The following CDK6 variants were observed in gnomAD, a reference collection of about 807,000 sequenced individuals.
CDK6 encodes cyclin dependent kinase 6.
CDK6 carries 6 observed loss-of-function variants against 37.1 expected under a neutral mutation model. The ratio of observed to expected loss-of-function variants is 0.16; its 90% confidence interval spans 0.09 to 0.32. The LOEUF (loss-of-function observed/expected upper bound fraction) is 0.32. CDK6 is among the 10% of genes least tolerant of loss of function. The pLI, the probability that CDK6 is intolerant of heterozygous loss-of-function variation, is 1.00. For missense variants in CDK6, 224 were observed against 418.9 expected, an observed-to-expected ratio of 0.53 and a Z score of 4.06; for synonymous variants, 160 against 161.3, an observed-to-expected ratio of 0.99 and a Z score of 0.06.
intron 2 of CDK6, among the ~76,000 whole-genome samples, chr7:92,819,907 T>A: frequency 6.6e-6 from 1 of 150,788 alleles, no homozygotes; most frequent in East Asian, 2.0e-4. Context: ...GACACAGAGA[T>A]CCCAACTGCA....
intron 5 of CDK6, among the ~76,000 whole-genome samples, chr7:92,635,301 G>A (rs1585354366): frequency 6.6e-6 from 1 of 152,276 alleles, no homozygotes; most frequent in African/African-American, 2.4e-5. Flanking sequence ...GATTTCTTCA[G>A]AACAAGGGAG....
chr7:92,823,103 A>T (rs1801213380), intron 2 of CDK6, among the ~76,000 whole-genome samples: 1 of 151,930 alleles, frequency 6.6e-6, no homozygotes, highest in Admixed American at 6.6e-5. Flanking sequence ...AGTGAAAAAA[A>T]AAAAAACCAA....
At chr7:92,774,982 G>A in intron 2 of CDK6, 151 bp from the exon 3 acceptor site, 2 of 670,270 alleles carry the variant, frequency 3.0e-6, no homozygotes, top group East Asian at 3.2e-5. Context: ...TATCAAATGA[G>A]ATCTGATACT....
intron 5 of CDK6, among the ~76,000 whole-genome samples, chr7:92,643,395 T>C (rs1796363239): frequency 1.3e-5 from 2 of 152,210 alleles, no homozygotes; most frequent in South Asian, 4.1e-4. Flanking sequence ...TTGGAGTCTG[T>C]GATGTGCTTA....
rs1175195840 is a variant in CDK6 at position 92,672,184 on chromosome 7, G to GACACACACACAC, written c.538-650_538-649insGTGTGTGTGTGT. Among the ~76,000 whole-genome samples, 397 of 44,100 alleles carry GACACACACACAC rather than the reference G, an allele frequency of 9.0e-3. 36 individuals carry two copies. The highest frequency in any genetic ancestry group is 0.01 in the Non-Finnish European group (282 of 27,244). 28.9% of individuals were successfully genotyped at this position (44,100 alleles called of 152,430 possible). A position where few individuals can be genotyped will look rare whatever the true frequency, so the allele number is the denominator to read the frequency against. ...ATACACATACACACACACACACACA[G>GACACACACACAC]ACACATACACACACACACACACACA... On this transcript the variant is annotated intron_variant, in intron 4 of 7. Coordinates refer to ENST00000424848, the MANE Select transcript of CDK6 (RefSeq NM_001145306.2).
At chr7:92,773,460 T>C (rs966057925) in intron 3 of CDK6, among the ~76,000 whole-genome samples, 3 of 152,178 alleles carry the variant, frequency 2.0e-5, no homozygotes, top group African/African-American at 7.2e-5. Context: ...AAAAGGACTA[T>C]GCCCTGCTCT....
chr7:92,830,203 C>T (rs904706429), intron 2 of CDK6, among the ~76,000 whole-genome samples: 3 of 152,138 alleles, frequency 2.0e-5, no homozygotes, highest in Non-Finnish European at 2.9e-5. Flanking sequence ...GCTGATCAGG[C>T]GAGGGCCTGG....
intron 5 of CDK6, among the ~76,000 whole-genome samples, chr7:92,657,147 TG>T: frequency 6.6e-6 from 1 of 152,306 alleles, no homozygotes; most frequent in Middle Eastern, 3.4e-3. Flanking sequence ...AAATAGTGAC[TG>T]TCTCTGTGTT....
chr7:92,632,567 T>A (rs1042415711), intron 5 of CDK6, among the ~76,000 whole-genome samples: 23 of 152,142 alleles, frequency 1.5e-4, no homozygotes, highest in African/African-American at 5.1e-4. Flanking sequence ...TGGTGATTAA[T>A]CAACAAAAGC....
At chr7:92,712,187 T>G (rs534233495) in intron 4 of CDK6, among the ~76,000 whole-genome samples, 122 of 150,874 alleles carry the variant, frequency 8.1e-4, no homozygotes, top group African/African-American at 2.9e-3. Context: ...CATGAGAGTT[T>G]AAGGGAGCGG....
At chr7:92,703,235 T>TAA (rs564969079) in intron 4 of CDK6, among the ~76,000 whole-genome samples, 3 of 144,922 alleles carry the variant, frequency 2.1e-5, no homozygotes, top group Admixed American at 6.9e-5. Context: ...CCTCCACAAT[T>TAA]AAAAAAAAAA....
intron 3 of CDK6, among the ~76,000 whole-genome samples, chr7:92,748,172 A>G (rs1485620189): frequency 6.6e-6 from 1 of 152,238 alleles, no homozygotes; most frequent in African/African-American, 2.4e-5. Context: ...GTTACAGAAT[A>G]TGGCTTTCCA....
In CDK6 at chr7:92,734,502, G is replaced by A. The variant is rs193151610; in HGVS notation, c.370-8709C>T. Among the ~76,000 whole-genome samples, 501 of 152,222 alleles carry A rather than the reference G, an allele frequency of 3.3e-3. 5 individuals are homozygous for A. Among genetic ancestry groups the A allele is most frequent in the African/African-American group, 0.011 (458 of 41,528 alleles). On this transcript the variant is annotated intron_variant, in intron 3 of 7. Transcript: ENST00000424848. ...TTACTGCCCCATGGCCCCAACTCCTGGCAGGGTCCTGCTTAAATTGCTCTT... is the reference window on the plus strand; with the variant it reads ...TTACTGCCCCATGGCCCCAACTCCTAGCAGGGTCCTGCTTAAATTGCTCTT...
intron 3 of CDK6, among the ~76,000 whole-genome samples, chr7:92,754,372 G>C (rs1341713010): frequency 6.6e-6 from 1 of 152,132 alleles, no homozygotes; most frequent in East Asian, 1.9e-4. Context: ...AAAGCAAAAT[G>C]GTCTCTTTTC....
At position 92,605,980 on chromosome 7, in the gene CDK6, G is replaced by C; in HGVS notation, c.*9160C>G. 4.3e-6 allele frequency: 1 copy of C among 233,470 alleles called. No homozygotes were observed. The highest frequency in any genetic ancestry group is 8.5e-6 in the Non-Finnish European group (1 of 117,992). 14.5% of individuals were successfully genotyped at this position (233,470 alleles called of 1,614,324 possible). A position where few individuals can be genotyped will look rare whatever the true frequency, so the allele number is the denominator to read the frequency against. On this transcript the variant is annotated 3_prime_UTR_variant, in exon 8 of 8. Coordinates refer to ENST00000424848, the MANE Select transcript of CDK6 (RefSeq NM_001145306.2). ...CAGTGAATTTCCACACTGCTTCTTG[G>C]GTCTGCAGAACTCAAAGCACCAAAA... is the stretch of plus-strand genomic sequence containing the variant.
chr7:92,625,219 A>AACACACACACACACACACACAC (rs71699291), intron 5 of CDK6, among the ~76,000 whole-genome samples: 2 of 141,890 alleles, frequency 1.4e-5, no homozygotes, highest in Non-Finnish European at 3.1e-5. Context: ...GTGGTAACTA[A>AACACACACACACACACACACAC]ACACACACAC....
chr7:92,767,609 C>CATCT (rs2115752097), intron 3 of CDK6, among the ~76,000 whole-genome samples: 1 of 152,234 alleles, frequency 6.6e-6, no homozygotes, highest in Non-Finnish European at 1.5e-5. Flanking sequence ...TCCTTCAAAT[C>CATCT]ATCTCTCCTA....
chr7:92,687,085 C>T lies in CDK6; in HGVS notation c.538-15550G>A, dbSNP rs151336968. On this transcript the variant is annotated intron_variant, in intron 4 of 7. Transcript: ENST00000424848. ...TACTTTTAAATCACTATTGTAGATACTTAAAAGAGAACTCTGACATATGGC... is the reference window on the plus strand; with the variant it reads ...TACTTTTAAATCACTATTGTAGATATTTAAAAGAGAACTCTGACATATGGC... 2.6e-3 allele frequency among the ~76,000 whole-genome samples: 396 copies of T among 152,278 alleles called. 1 individual carries two copies. Among genetic ancestry groups the T allele is most frequent in the African/African-American group, 9.3e-3 (385 of 41,554 alleles).
intron 3 of CDK6, among the ~76,000 whole-genome samples, chr7:92,751,039 A>G (rs1463394149): frequency 1.3e-5 from 2 of 152,110 alleles, no homozygotes; most frequent in Admixed American, 6.5e-5. Context: ...AGGTCTTCGT[A>G]TTTTTTTACA....
Sources: allele counts gnomAD v4.1 joint callset (sites outside exome capture counted in the v4.1 genomes callset), GRCh38; gene constraint gnomAD v4.1.1; transcripts MANE v1.5; gene names NCBI Gene and HGNC (gene_info 2026-07-23, HGNC 2026-07-21).